SPOCK3: variants seen among roughly 807,000 people sequenced by gnomAD.
The protein encoded by SPOCK3 is testican-3.
In SPOCK3, 30 loss-of-function variants were observed where a neutral mutation model predicts 56.6. The observed-to-expected ratio is 0.53, with a 90% CI of 0.40 to 0.72. The LOEUF is 0.72. SPOCK3 is among the 30% of genes least tolerant of loss of function. The pLI is 0.00. For missense variants in SPOCK3, 527 were observed against 530.0 expected (o/e 0.99, Z 0.06); for synonymous variants, 196 against 183.3 (o/e 1.07, Z -0.56).
At chr4:166,944,355 T>G (rs1437897277) in intron 4 of SPOCK3, among the ~76,000 whole-genome samples, 3 of 152,082 alleles carry the variant, frequency 2.0e-5, no homozygotes, top group Non-Finnish European at 2.9e-5. Flanking sequence ...AATGCAACCA[T>G]ATGAATGAGG....
At chr4:166,770,092 T>C (rs1361502251) in intron 7 of SPOCK3, among the ~76,000 whole-genome samples, 1 of 152,102 alleles carries the variant, frequency 6.6e-6, no homozygotes, top group Non-Finnish European at 1.5e-5. Context: ...CTATCACCCT[T>C]CCCTCTTCTA....
intron 4 of SPOCK3, among the ~76,000 whole-genome samples, chr4:166,913,662 T>C (rs1006726510): frequency 6.6e-6 from 1 of 152,078 alleles, no homozygotes; most frequent in African/African-American, 2.4e-5. Flanking sequence ...AAAATAGTGG[T>C]CCCAAAAGAC....
chr4:166,749,100 C>T (rs887678996), intron 8 of SPOCK3, among the ~76,000 whole-genome samples: 1 of 137,028 alleles, frequency 7.3e-6, no homozygotes, highest in Non-Finnish European at 1.5e-5. Flanking sequence ...AGACATAGAA[C>T]TAGAAATACC....
chr4:166,834,859 T>C (rs965979506), intron 6 of SPOCK3, among the ~76,000 whole-genome samples: 1 of 152,144 alleles, frequency 6.6e-6, no homozygotes, highest in Non-Finnish European at 1.5e-5. Context: ...TTTGACTATG[T>C]TTTGATCAAT....
At chr4:166,910,158 C>A (rs1737108453) in intron 5 of SPOCK3, among the ~76,000 whole-genome samples, 3 of 151,960 alleles carry the variant, frequency 2.0e-5, no homozygotes, top group South Asian at 2.1e-4. Context: ...GCTGTCAATG[C>A]AAAAGTTTAA....
Position 166,734,949 on chromosome 4 carries a change from C to A in SPOCK3, c.1274G>T (p.Gly425Val), listed in dbSNP as rs372786935. The change falls in exon 11 of 11, where the codon GGT becomes GTT. Residue 425 changes from glycine to valine, a missense_variant. Physicochemically the swap from Gly to Val is moderately radical, Grantham distance 109. Coordinates refer to ENST00000357545, the MANE Select transcript of SPOCK3 (RefSeq NM_001040159.2). ...DDEDEGDDDDGGDDHDVYI is the reference protein window; with the variant it reads ...DDEDEGDDDDVGDDHDVYI ...AATGTATACATCATGGTCATCACCA[C>A]CATCATCATCATCCCCTTCATCTTC... 7 of 1,540,418 alleles carry A rather than the reference C, an allele frequency of 4.5e-6. No individual in the cohort carries two copies. Among genetic ancestry groups the A allele is most frequent in the Non-Finnish European group, 6.3e-6 (7 of 1,115,498 alleles).
At chr4:167,153,540 A>G (rs544613606) in intron 2 of SPOCK3, among the ~76,000 whole-genome samples, 10 of 152,192 alleles carry the variant, frequency 6.6e-5, no homozygotes, top group Non-Finnish European at 1.3e-4. Flanking sequence ...ATCCATAACC[A>G]CACAGCACTA....
chr4:167,052,634 T>A (rs1754343525), intron 3 of SPOCK3, among the ~76,000 whole-genome samples: 1 of 152,140 alleles, frequency 6.6e-6, no homozygotes, highest in Admixed American at 6.5e-5. Context: ...ATTTTTCCAC[T>A]AGAAAAATGC....
chr4:166,960,405 C>T (rs545820603), intron 4 of SPOCK3, among the ~76,000 whole-genome samples: 51 of 152,118 alleles, frequency 3.4e-4, no homozygotes, highest in Non-Finnish European at 5.4e-4. Flanking sequence ...AAAAAATTCA[C>T]TGAATATAAA....
chr4:166,881,096 C>G (rs1296645257), intron 6 of SPOCK3, among the ~76,000 whole-genome samples: 2 of 151,906 alleles, frequency 1.3e-5, no homozygotes, highest in African/African-American at 4.8e-5. Context: ...TCAACATATA[C>G]TTTTAAATTA....
chr4:167,128,762 A>C (rs747590318), intron 2 of SPOCK3, among the ~76,000 whole-genome samples: 1 of 152,086 alleles, frequency 6.6e-6, no homozygotes, highest in Non-Finnish European at 1.5e-5. Context: ...TTCTCCTCCT[A>C]ATCACCCCTC....
chr4:166,980,925 GGT>G (rs1746503534), intron 4 of SPOCK3, among the ~76,000 whole-genome samples: 2 of 152,264 alleles, frequency 1.3e-5, no homozygotes, highest in South Asian at 2.1e-4. Context: ...TGGGGGAGGG[GGT>G]GTGTTTCAGC....
chr4:166,787,436 G>T (rs1444210542), intron 7 of SPOCK3, among the ~76,000 whole-genome samples: 1 of 152,108 alleles, frequency 6.6e-6, no homozygotes, highest in African/African-American at 2.4e-5. Flanking sequence ...AGAGATTGCT[G>T]TTAGAAGAAA....
chr4:167,064,310 T>C (rs1449035534), intron 2 of SPOCK3, among the ~76,000 whole-genome samples: 1 of 151,780 alleles, frequency 6.6e-6, no homozygotes, highest in Non-Finnish European at 1.5e-5. Context: ...TAGCAATCTA[T>C]ACACATAGAT....
At chr4:167,065,062 T>TAAAAAAAAAAAAAAAAA (rs74281519) in intron 2 of SPOCK3, among the ~76,000 whole-genome samples, 1 of 56,868 alleles carries the variant, frequency 1.8e-5, no homozygotes, top group Non-Finnish European at 3.5e-5. Flanking sequence ...AAAAAAAAAG[T>TAAAAAAAAAAAAAAAAA]CAAACGCAGC....
chr4:167,214,869 C>T (rs2111056168), intron 2 of SPOCK3, among the ~76,000 whole-genome samples: 1 of 152,026 alleles, frequency 6.6e-6, no homozygotes, highest in South Asian at 2.1e-4. Context: ...CAGCAGAAAC[C>T]CAGCAGCCTA....
intron 2 of SPOCK3, among the ~76,000 whole-genome samples, chr4:167,205,029 C>A (rs1211510723): frequency 7.1e-6 from 1 of 141,636 alleles, no homozygotes; most frequent in Admixed American, 7.6e-5. Flanking sequence ...GAGAAGGTGT[C>A]TTTCTATGTT....
chr4:167,219,263 G>T (rs1479885248), intron 2 of SPOCK3, among the ~76,000 whole-genome samples: 1 of 152,106 alleles, frequency 6.6e-6, no homozygotes, highest in African/African-American at 2.4e-5. Flanking sequence ...GCCATGAAAG[G>T]CTATAAATAT....
At chr4:166,960,284 C>A (rs548899725) in intron 4 of SPOCK3, among the ~76,000 whole-genome samples, 2 of 152,170 alleles carry the variant, frequency 1.3e-5, no homozygotes, top group Admixed American at 6.6e-5. Flanking sequence ...GAGTTATAGA[C>A]CCTAGCAGAT....
Sources: allele counts gnomAD v4.1 joint callset (sites outside exome capture counted in the v4.1 genomes callset), GRCh38; gene constraint gnomAD v4.1.1; transcripts MANE v1.5; gene names NCBI Gene and HGNC (gene_info 2026-07-23, HGNC 2026-07-21).